Variants in LRRC74A observed in about 807,000 individuals in gnomAD.
LRRC74A encodes the protein leucine rich repeat containing 74A.
LRRC74A carries 44 observed loss-of-function variants against 57.9 expected under a neutral mutation model. The observed-to-expected ratio is 0.76, with a 90% CI of 0.60 to 0.98. The LOEUF (loss-of-function observed/expected upper bound fraction) is 0.98, where lower values mean the gene tolerates loss of function less well. LRRC74A is among the 50% of genes least tolerant of loss of function. The pLI, the probability that LRRC74A is intolerant of heterozygous loss-of-function variation, is 0.00. For synonymous variants in LRRC74A, 211 were observed against 219.4 expected, an observed-to-expected ratio of 0.96 and a Z score of 0.34; for missense variants, 572 against 574.0, an observed-to-expected ratio of 1.00 and a Z score of 0.04.
At chr14:76,836,074 C>T in intron 3 of LRRC74A, 133 bp from the exon 4 acceptor site, 1 of 663,902 alleles carries the variant, frequency 1.5e-6, no homozygotes, top group African/African-American at 1.8e-5. Flanking sequence ...GGTCTCCTCG[C>T]CCTTGCCAGG....
At chr14:76,837,600 T>G (rs1352274917) in intron 4 of LRRC74A, among the ~76,000 whole-genome samples, 1 of 152,178 alleles carries the variant, frequency 6.6e-6, no homozygotes, top group Admixed American at 6.5e-5. Flanking sequence ...CAAGGCTAAA[T>G]TGGGAAAACA....
chr14:76,861,481 C>T (rs1336907313), intron 11 of LRRC74A, among the ~76,000 whole-genome samples: 1 of 150,808 alleles, frequency 6.6e-6, no homozygotes, highest in East Asian at 1.9e-4. Context: ...CTGTTCTTTC[C>T]AACAGCTGGT....
intron 1 of LRRC74A, among the ~76,000 whole-genome samples, chr14:76,827,661 A>G (rs1051530928): frequency 6.6e-6 from 1 of 152,158 alleles, no homozygotes; most frequent in Admixed American, 6.5e-5. Context: ...ATTCATTACT[A>G]TGAATTAATC....
chr14:76,837,129 G>A (rs1476052264), intron 4 of LRRC74A, among the ~76,000 whole-genome samples: 5 of 152,272 alleles, frequency 3.3e-5, no homozygotes, highest in Non-Finnish European at 7.3e-5. Flanking sequence ...GTGACAGAGT[G>A]AGACTCTGTT....
At chr14:76,853,736 C>T (rs897296568) in intron 9 of LRRC74A, among the ~76,000 whole-genome samples, 3 of 151,878 alleles carry the variant, frequency 2.0e-5, no homozygotes, top group African/African-American at 4.8e-5. Context: ...ACATTGCCAC[C>T]GGAGTGTGCT....
rs1898242309 is a variant in LRRC74A, at chr14:76,860,790, C to T, written c.1151C>T (p.Ser384Phe). The change falls in exon 11 of 14, where the codon TCT (serine) becomes TTT (phenylalanine). Residue 384 changes from serine to phenylalanine, a missense_variant. Coordinates refer to ENST00000689127, the MANE Select transcript of LRRC74A (RefSeq NM_001385106.1). The part of the protein sequence containing the change: ...DVVFKAVQGL[S>F]PKKTIFLLTN... Reference sequence around the variant, plus strand: ...GTATTCAAGGCAGTACAAGGCCTCTCTCCCAAGAAAACCATCTTCTTGTTG... The same window carrying T: ...GTATTCAAGGCAGTACAAGGCCTCTTTCCCAAGAAAACCATCTTCTTGTTG... 6.2e-7 allele frequency: 1 copy of T among 1,611,026 alleles called. No individual in the cohort carries two copies. Among genetic ancestry groups the T allele is most frequent in the Non-Finnish European group, 8.5e-7 (1 of 1,177,996 alleles).
intron 12 of LRRC74A, 25 bp downstream of exon 12, chr14:76,866,100 G>C (rs1244159738): frequency 6.9e-7 from 1 of 1,451,636 alleles, no homozygotes. Context: ...AGTGGCAACA[G>C]GCTGTGTGTG....
Position 76,857,575 on chromosome 14 carries a change from C to T in LRRC74A, c.1053+100C>T. ...CCAGAGCCAACAGCTCTATCCCTCA[C>T]AGGCCCTCACACAAGTGCTCCATGA... On this transcript the variant is annotated intron_variant, in intron 10 of 13. Transcript: ENST00000689127. The T allele has an allele frequency of 2.3e-5, 18 of 780,400 alleles. No homozygotes were observed. The South Asian group carries it at 2.6e-4, about 11-fold the overall frequency. The allele number at this position is 780,400 out of a possible 1,614,324, so 48.3% of individuals were successfully genotyped here.
Position 76,866,093 on chromosome 14 carries a change from G to A in LRRC74A, c.1308+18G>A. On this transcript the variant is annotated intron_variant, in intron 12 of 13. Transcript: ENST00000689127. ...TGATAGAGGTGTGCTGGGTCCTAGT[G>A]GCAACAGGCTGTGTGTGAGTGTGAG... 3 of 1,477,930 alleles carry A rather than the reference G, an allele frequency of 2.0e-6. No individual in the cohort carries two copies. Among genetic ancestry groups the A allele is most frequent in the Non-Finnish European group, 2.8e-6 (3 of 1,069,956 alleles). The allele number at this position is 1,477,930 out of a possible 1,614,324, so 91.6% of individuals were successfully genotyped here.
intron 8 of LRRC74A, 82 bp from the exon 9 acceptor site, chr14:76,853,133 CA>C: frequency 7.5e-7 from 1 of 1,326,864 alleles, no homozygotes; most frequent in Non-Finnish European, 1.1e-6. Flanking sequence ...TGGATGCCAA[CA>C]GGGGGTAGAA....
chr14:76,831,428 G>A, intron 3 of LRRC74A, 53 bp downstream of exon 3: 5 of 1,594,756 alleles, frequency 3.1e-6, no homozygotes, highest in Non-Finnish European at 4.3e-6. Context: ...AGGGTTGGCA[G>A]AGTGGTAGGC....
intron 2 of LRRC74A, among the ~76,000 whole-genome samples, chr14:76,830,177 G>C (rs1895874284): frequency 6.6e-6 from 1 of 152,230 alleles, no homozygotes; most frequent in South Asian, 2.1e-4. Flanking sequence ...TGCAAAATCA[G>C]CTTCCCTGTA....
chr14:76,842,534 C>G (rs554720213), intron 5 of LRRC74A, among the ~76,000 whole-genome samples: 3 of 152,282 alleles, frequency 2.0e-5, no homozygotes, highest in African/African-American at 7.2e-5. Flanking sequence ...GTATCTGTAA[C>G]CACTGATTTA....
chr14:76,858,302 G>T (rs1288227657), intron 10 of LRRC74A, among the ~76,000 whole-genome samples: 3 of 152,072 alleles, frequency 2.0e-5, no homozygotes, highest in African/African-American at 7.2e-5. Flanking sequence ...GCTTCTGATG[G>T]TTCCTGTCAT....
chr14:76,848,680 T>G (rs975988927), intron 7 of LRRC74A, among the ~76,000 whole-genome samples: 2 of 152,116 alleles, frequency 1.3e-5, no homozygotes, highest in Non-Finnish European at 2.9e-5. Flanking sequence ...AAGGGAGACA[T>G]AGAGTCCAAG....
At chr14:76,832,586 G>A (rs565819105) in intron 3 of LRRC74A, among the ~76,000 whole-genome samples, 180 of 152,322 alleles carry the variant, frequency 1.2e-3, no homozygotes, top group African/African-American at 4.1e-3. Flanking sequence ...GGGATTACAG[G>A]CATAAGCCAC....
chr14:76,838,908 G>A (rs557595560), intron 5 of LRRC74A, among the ~76,000 whole-genome samples: 11 of 152,262 alleles, frequency 7.2e-5, no homozygotes, highest in South Asian at 4.2e-4. Flanking sequence ...GCCTTAGTTC[G>A]TGTATTTTTA....
At chr14:76,864,428 G>T (rs1251966142) in intron 11 of LRRC74A, among the ~76,000 whole-genome samples, 1 of 117,258 alleles carries the variant, frequency 8.5e-6, no homozygotes, top group Admixed American at 8.7e-5. Flanking sequence ...GGGGGGTGGC[G>T]GGGGGAAGGG....
At position 76,852,404 on chromosome 14, in the gene LRRC74A, A is replaced by T. The variant is rs369426466; in HGVS notation, c.716A>T (p.Asn239Ile). Reference sequence around the variant, plus strand: ...CTCACGTCACTGGATCTGAGCTGGAATAACTTCCACACAAGGGGAGCTGTG... The same window carrying T: ...CTCACGTCACTGGATCTGAGCTGGATTAACTTCCACACAAGGGGAGCTGTG... ...VGLTSLDLSW[N>I]NFHTRGAVAL... The change falls in exon 8 of 14, where the codon AAT becomes ATT. Residue 239 changes from asparagine (N) to isoleucine (I), a missense_variant. Physicochemically the swap from Asn to Ile is moderately radical, Grantham distance 149 (BLOSUM62 -3). Transcript: ENST00000689127. 51 of 1,612,380 alleles carry T rather than the reference A, an allele frequency of 3.2e-5. No individual in the cohort carries two copies. Among genetic ancestry groups the T allele is most frequent in the Non-Finnish European group, 4.2e-5 (49 of 1,179,120 alleles).
Sources: gnomAD v4.1 joint callset for allele counts (sites outside exome capture counted in the v4.1 genomes callset) on GRCh38, gnomAD v4.1.1 for gene constraint, MANE v1.5 for transcripts, NCBI Gene and HGNC (gene_info 2026-07-23, HGNC 2026-07-21) for gene names.